PALD1: variants seen among roughly 807,000 people sequenced by gnomAD.
The protein encoded by PALD1 is paladin.
PALD1 carries 57 observed loss-of-function variants against 96.0 expected under a neutral mutation model. That is an observed-to-expected ratio of 0.59 (90% CI 0.48 to 0.74). The LOEUF is 0.74. PALD1 is among the 30% of genes least tolerant of loss of function. The pLI is 0.00. For missense variants in PALD1, 1,063 were observed against 1,143.7 expected, an observed-to-expected ratio of 0.93 and a Z score of 1.02; for synonymous variants, 464 against 473.6, an observed-to-expected ratio of 0.98 and a Z score of 0.26.
In PALD1 at chr10:70,540,874, C is replaced by T. The variant is rs1483397105; in HGVS notation, c.1909-228C>T. Among the ~76,000 whole-genome samples the T allele has an allele frequency of 2.0e-5, 3 of 152,194 alleles. No homozygotes were observed. The East Asian group carries it at 5.8e-4, about 29-fold the overall frequency. ...GTGCATGCTGTGTTGGCTCACACAT[C>T]CTGTCCAGGTGCTTGGTGTGAGGGT... On this transcript the variant is annotated intron_variant, in intron 15 of 19. Coordinates refer to ENST00000263563, the MANE Select transcript of PALD1 (RefSeq NM_014431.3). This position sits in a 1 kb window ranked among gnomAD's most constrained non-coding sequence, Gnocchi z 4.2.
chr10:70,516,743 C>A (rs1340454299), intron 1 of PALD1, among the ~76,000 whole-genome samples: 1 of 151,710 alleles, frequency 6.6e-6, no homozygotes, highest in Non-Finnish European at 1.5e-5. Context: ...CTATCTTTGG[C>A]AGAGACAGCG....
the PALD1 span, among the ~76,000 whole-genome samples, chr10:70,463,919 A>G: frequency 6.6e-6 from 1 of 152,174 alleles, no homozygotes; most frequent in East Asian, 1.9e-4. Context: ...GTGTGGAAAG[A>G]AGTGAGGTTG....
At chr10:70,549,671 C>T (rs899297895) in intron 18 of PALD1, among the ~76,000 whole-genome samples, 1 of 152,222 alleles carries the variant, frequency 6.6e-6, no homozygotes, top group Non-Finnish European at 1.5e-5. Flanking sequence ...GTTCGGTGCC[C>T]GCATCTGATG....
At position 70,539,101 on chromosome 10, in the gene PALD1, A is replaced by G. The variant is rs1847179775; in HGVS notation, c.1579A>G (p.Ser527Gly). ...GCCCTCCTGTGCCCAGGCCCTGGGGAGCATCCTGGCCTACCTGACGGACGC... is the reference window on the plus strand; with the variant it reads ...GCCCTCCTGTGCCCAGGCCCTGGGGGGCATCCTGGCCTACCTGACGGACGC... ...TAQPSAKALG[S>G]ILAYLTDAKR... is the part of the protein sequence containing the mutation. Residue 527 changes from serine to glycine, a missense_variant, in exon 14 of 20, where the codon AGC becomes GGC. Physicochemically the swap from Ser to Gly is moderately conservative, Grantham distance 56. Transcript: ENST00000263563. This position sits in a 1 kb window ranked among gnomAD's most constrained non-coding sequence, Gnocchi z 4.5. The G allele has an allele frequency of 6.2e-7, 1 of 1,613,762 alleles. No homozygotes were observed. Among genetic ancestry groups the G allele is most frequent in the Non-Finnish European group, 8.5e-7 (1 of 1,179,852 alleles).
chr10:70,542,753 T>C (rs1037738076), intron 17 of PALD1, among the ~76,000 whole-genome samples: 5 of 152,224 alleles, frequency 3.3e-5, no homozygotes, highest in Non-Finnish European at 5.9e-5. Context: ...TGCACGTAGC[T>C]GAGTCCCTGC....
intron 18 of PALD1, among the ~76,000 whole-genome samples, chr10:70,555,753 A>G (rs10999391): frequency 0.53 from 80,975 of 152,114 alleles, 22,481 homozygotes; most frequent in Middle Eastern, 0.7. Flanking sequence ...TGTAATCCCA[A>G]CACCTTGGGA....
At position 70,505,679 on chromosome 10, in the gene PALD1, C is replaced by T. The variant is rs564638866; in HGVS notation, c.-29-20244C>T. On this transcript the variant is annotated intron_variant, in intron 1 of 19. Transcript: ENST00000263563. ...AATCAGAAACTGTCTGCCAAATACT[C>T]ATATCTGAAAACCCACTGTTTGTCT... Among the ~76,000 whole-genome samples, 25 of 152,070 alleles carry T rather than the reference C, an allele frequency of 1.6e-4. No homozygotes were observed. In the East Asian group the frequency reaches 4.7e-3, roughly 28 times the overall value.
At chr10:70,538,020 A>G in intron 11 of PALD1, 114 bp downstream of exon 11, 1 of 858,666 alleles carries the variant, frequency 1.2e-6, no homozygotes, top group Non-Finnish European at 1.9e-6. Context: ...CGGGGAGGGA[A>G]GGGAGGCCAG....
At chr10:70,566,454 G>C in intron 19 of PALD1, 127 bp from the exon 20 acceptor site, 1 of 684,538 alleles carries the variant, frequency 1.5e-6, no homozygotes. Flanking sequence ...GAAGTTAACA[G>C]AAGTCAAGGT....
chr10:70,494,195 C>T (rs531051192), intron 1 of PALD1, among the ~76,000 whole-genome samples: 165 of 152,336 alleles, frequency 1.1e-3, no homozygotes, highest in African/African-American at 3.5e-3. Context: ...TCAGTCTTTA[C>T]TCTCATGTGA....
chr10:70,548,828 G>A (rs1452272025), intron 18 of PALD1, among the ~76,000 whole-genome samples: 2 of 152,186 alleles, frequency 1.3e-5, no homozygotes, highest in Admixed American at 6.5e-5. Flanking sequence ...AAGGGTGGAT[G>A]CCTAGCTGGA....
At chr10:70,537,784 T>A (rs1010201601) in intron 10 of PALD1, 27 bp from the exon 11 acceptor site, 4 of 1,541,992 alleles carry the variant, frequency 2.6e-6, no homozygotes, top group South Asian at 1.1e-5. Flanking sequence ...GAGGAGTCTG[T>A]CCTTAACACC....
At chr10:70,544,150 A>G (rs915215483) in intron 17 of PALD1, among the ~76,000 whole-genome samples, 2 of 152,178 alleles carry the variant, frequency 1.3e-5, no homozygotes, top group African/African-American at 4.8e-5. Flanking sequence ...AAGGGCCAAG[A>G]GTGCAGCTGA....
chr10:70,564,194 C>T, intron 18 of PALD1, among the ~76,000 whole-genome samples, 170 bp from the exon 19 acceptor site: 1 of 152,146 alleles, frequency 6.6e-6, no homozygotes, highest in East Asian at 1.9e-4. Flanking sequence ...GGCTCCTGAC[C>T]CGCGGCCCTG....
chr10:70,542,723 T>C (rs925517304), intron 17 of PALD1, among the ~76,000 whole-genome samples: 1 of 152,238 alleles, frequency 6.6e-6, no homozygotes, highest in African/African-American at 2.4e-5. Context: ...TCATGAGTAA[T>C]GCTGCTATGA....
intron 1 of PALD1, among the ~76,000 whole-genome samples, chr10:70,484,614 A>T (rs529021409): frequency 6.6e-6 from 1 of 151,344 alleles, no homozygotes; most frequent in East Asian, 1.9e-4. Flanking sequence ...ATCTCAGCTC[A>T]CTCAAGCTCC....
At chr10:70,492,496 ACC>A (rs1846117735) in intron 1 of PALD1, among the ~76,000 whole-genome samples, 1 of 118,616 alleles carries the variant, frequency 8.4e-6, no homozygotes. Context: ...TTGCTCTGTC[ACC>A]CAGGCTGGAG....
At chr10:70,491,016 G>T (rs1192882880) in intron 1 of PALD1, among the ~76,000 whole-genome samples, 3 of 152,082 alleles carry the variant, frequency 2.0e-5, no homozygotes, top group African/African-American at 4.8e-5. Flanking sequence ...TGCGATCTGG[G>T]CTCACTGCAA....
At chr10:70,504,390 G>A (rs1485439592) in intron 1 of PALD1, among the ~76,000 whole-genome samples, 2 of 152,148 alleles carry the variant, frequency 1.3e-5, no homozygotes, top group African/African-American at 4.8e-5. Flanking sequence ...AGGCATGGTG[G>A]TGCATGCCTG....
Sources: gnomAD v4.1 joint callset for allele counts (sites outside exome capture counted in the v4.1 genomes callset) on GRCh38, gnomAD v4.1.1 for gene constraint, Gnocchi (gnomAD v3.1) non-coding constraint, MANE v1.5 for transcripts, NCBI Gene and HGNC (gene_info 2026-07-23, HGNC 2026-07-21) for gene names.